The following ZFHX3 variants were observed in gnomAD, a reference collection of about 807,000 sequenced individuals.
ZFHX3 encodes the protein zinc finger homeobox protein 3.
Under a neutral mutation model 279.1 loss-of-function variants are expected in ZFHX3, and 42 were observed. The ratio of observed to expected loss-of-function variants is 0.15; its 90% CI spans 0.12 to 0.19. The LOEUF is 0.19. Among genes scored for constraint, ZFHX3 ranks in the 10% least tolerant of loss-of-function variants. The pLI, the probability that ZFHX3 is intolerant of heterozygous loss-of-function variation, is 1.00. For synonymous variants in ZFHX3, 2,293 were observed against 1,957.8 expected, an observed-to-expected ratio of 1.17 and a Z score of -4.52; for missense variants, 4,981 against 4,754.0, an observed-to-expected ratio of 1.05 and a Z score of -1.40.
At chr16:73,227,646 C>G (rs1475970422) in intron 5 of ZFHX3, among the ~76,000 whole-genome samples, 1 of 151,618 alleles carries the variant, frequency 6.6e-6, no homozygotes, top group African/African-American at 2.4e-5. Flanking sequence ...CTCACGAGCC[C>G]GAGACCAGCC....
intron 5 of ZFHX3, among the ~76,000 whole-genome samples, chr16:73,202,052 T>A (rs962739201): frequency 5.3e-5 from 8 of 152,212 alleles, no homozygotes; most frequent in Non-Finnish European, 8.8e-5. Context: ...CATTTTTTTT[T>A]AACTGTGACT....
At chr16:73,124,017 A>T (rs1966530160) in intron 7 of ZFHX3, among the ~76,000 whole-genome samples, 1 of 152,224 alleles carries the variant, frequency 6.6e-6, no homozygotes, top group Non-Finnish European at 1.5e-5. Context: ...ATAGCAGTAC[A>T]GATGGACTAA....
At chr16:72,927,365 C>T (rs1228748964) in intron 3 of ZFHX3, among the ~76,000 whole-genome samples, 1 of 152,184 alleles carries the variant, frequency 6.6e-6, no homozygotes, top group Admixed American at 6.5e-5. Context: ...CCTCCCGATT[C>T]ATTCTCCCGC....
chr16:73,277,943 A>C (rs186003915), intron 4 of ZFHX3, among the ~76,000 whole-genome samples: 1 of 152,236 alleles, frequency 6.6e-6, no homozygotes, highest in Non-Finnish European at 1.5e-5. Flanking sequence ...AAACAACAGG[A>C]TCTCATGAGA....
At chr16:73,610,253 G>C (rs2052232012) in intron 2 of ZFHX3, among the ~76,000 whole-genome samples, 1 of 152,140 alleles carries the variant, frequency 6.6e-6, no homozygotes, top group Admixed American at 6.5e-5. Context: ...GAGCGGCCGG[G>C]CCTGATGGAT....
At chr16:73,448,685 C>A (rs74028656) in intron 3 of ZFHX3, among the ~76,000 whole-genome samples, 16 of 142,146 alleles carry the variant, frequency 1.1e-4, no homozygotes, top group African/African-American at 4.2e-4. Context: ...TATTTATATA[C>A]GTGTGTGTGT....
chr16:73,343,435 G>A (rs928032296), intron 3 of ZFHX3, among the ~76,000 whole-genome samples: 2 of 152,178 alleles, frequency 1.3e-5, no homozygotes, highest in African/African-American at 4.8e-5. Context: ...CTCAAAGCAT[G>A]AAGAGGAGGC....
intron 2 of ZFHX3, chr16:73,486,897 G>A (rs1320204238): frequency 4.4e-6 from 2 of 454,996 alleles, no homozygotes; most frequent in South Asian, 3.1e-5. Flanking sequence ...AAATTCACAG[G>A]TAACACTAAG....
upstream of ZFHX3, among the ~76,000 whole-genome samples, chr16:73,049,107 T>C (rs1965402487): frequency 6.6e-6 from 1 of 152,158 alleles, no homozygotes; most frequent in African/African-American, 2.4e-5. Context: ...GTCAAAGCGA[T>C]TGCTGGGCGC....
At chr16:73,657,686 G>C (rs1023036335) in intron 2 of ZFHX3, among the ~76,000 whole-genome samples, 2 of 151,940 alleles carry the variant, frequency 1.3e-5, no homozygotes, top group Non-Finnish European at 2.9e-5. Flanking sequence ...ACATTTAATG[G>C]AAGTGAAAGC....
intron 1 of ZFHX3, among the ~76,000 whole-genome samples, chr16:72,991,089 G>A (rs928552015): frequency 3.8e-5 from 1 of 26,296 alleles, no homozygotes; most frequent in African/African-American, 1.0e-4. Context: ...TAGTATAGCA[G>A]TCCCTTATCC....
Position 73,704,517 on chromosome 16 carries a change from G to A in ZFHX3, c.-1607-24277C>T, listed in dbSNP as rs150300252. On this transcript the variant is annotated intron_variant, in intron 1 of 17. Transcript: ENST00000641206. ...TTTCCAGCATGTTACCCAGACAGCC[G>A]CACTGTACTGCACATAAGACACTGC... 3.1e-4 allele frequency among the ~76,000 whole-genome samples: 47 copies of A among 152,300 alleles called. No homozygotes were observed. In the East Asian group the frequency reaches 8.7e-3, roughly 28 times the overall value.
chr16:73,364,848 T>C (rs140254453), intron 3 of ZFHX3, among the ~76,000 whole-genome samples: 1 of 152,302 alleles, frequency 6.6e-6, no homozygotes, highest in East Asian at 1.9e-4. Flanking sequence ...GTCTAGATAT[T>C]GGGACAAGAG....
chr16:72,838,001 A>G (rs2143768290), intron 4 of ZFHX3, among the ~76,000 whole-genome samples: 1 of 152,330 alleles, frequency 6.6e-6, no homozygotes, highest in Admixed American at 6.5e-5. Flanking sequence ...CTGGGGCCAC[A>G]GCGCCTGGAG....
chr16:73,173,119 A>G (rs568833003), intron 5 of ZFHX3, among the ~76,000 whole-genome samples: 1 of 149,146 alleles, frequency 6.7e-6, no homozygotes, highest in East Asian at 2.0e-4. Flanking sequence ...TGCACTCTTC[A>G]ATTCCTCACT....
chr16:73,359,690 C>T (rs924928488), intron 3 of ZFHX3, among the ~76,000 whole-genome samples: 1 of 152,210 alleles, frequency 6.6e-6, no homozygotes, highest in Non-Finnish European at 1.5e-5. Context: ...GCTATCTTCT[C>T]TCTGGAAGTG....
At position 72,811,607 on chromosome 16, in the gene ZFHX3, T is replaced by C. The variant is rs1330302182; in HGVS notation, c.3834A>G (p.Ala1278=). The part of the protein sequence containing the change: ...QLHLTHLHSV[A]PDCVEKLIMT... ...TAATGAGCTTCTCCACGCAGTCAGG[T>C]GCCACGCTGTGGAGGTGGGTGAGGT... is the stretch of plus-strand genomic sequence containing the variant. The change falls in exon 7 of 10, where the codon GCA becomes GCG. Residue 1278 remains alanine (A), a synonymous_variant. Transcript: ENST00000268489. The C allele has an allele frequency of 3.7e-6, 6 of 1,607,814 alleles. No individual in the cohort carries two copies. The highest frequency in any genetic ancestry group is 5.1e-6 in the Non-Finnish European group (6 of 1,176,246).
chr16:73,137,641 G>A (rs1025707514), intron 6 of ZFHX3: 3 of 151,954 alleles, frequency 2.0e-5, no homozygotes, highest in African/African-American at 4.8e-5. Flanking sequence ...ATATTAGGCA[G>A]CTTTAAATTA....
intron 1 of ZFHX3, among the ~76,000 whole-genome samples, chr16:73,024,090 G>A (rs1032535388): frequency 6.6e-6 from 1 of 152,206 alleles, no homozygotes; most frequent in Non-Finnish European, 1.5e-5. Context: ...TCACCCACTT[G>A]CTCCATAGTC....
Sources: gnomAD v4.1 joint callset for allele counts (sites outside exome capture counted in the v4.1 genomes callset) on GRCh38, gnomAD v4.1.1 for gene constraint, MANE v1.5 for transcripts, NCBI Gene and HGNC (gene_info 2026-07-23, HGNC 2026-07-21) for gene names.